The following CACNA1D variants were observed in gnomAD, a reference collection of about 807,000 sequenced individuals.
CACNA1D encodes the protein calcium voltage-gated channel subunit alpha1 D.
A neutral mutation model predicts 257.1 loss-of-function variants in CACNA1D; 55 were observed. The observed-to-expected ratio is 0.21, with a 90% CI of 0.17 to 0.27. CACNA1D has a LOEUF of 0.27. Among genes scored for constraint, CACNA1D ranks in the 10% least tolerant of loss-of-function variants. CACNA1D has a pLI of 1.00. For missense variants in CACNA1D, 1,876 were observed against 2,784.0 expected (o/e 0.67, Z 7.34); for synonymous variants, 980 against 1,014.9 (o/e 0.97, Z 0.65).
chr3:53,569,910 G>C (rs1289117793), intron 3 of CACNA1D, among the ~76,000 whole-genome samples: 1 of 152,130 alleles, frequency 6.6e-6, no homozygotes, highest in African/African-American at 2.4e-5. Flanking sequence ...TAGGGCTCTT[G>C]GGAGAAATTA....
At chr3:53,634,830 C>G (rs2093863278) in intron 3 of CACNA1D, among the ~76,000 whole-genome samples, 1 of 152,090 alleles carries the variant, frequency 6.6e-6, no homozygotes, top group African/African-American at 2.4e-5. Flanking sequence ...AGTGCCTTGC[C>G]TAGGGCCACA....
intron 40 of CACNA1D, among the ~76,000 whole-genome samples, chr3:53,787,549 CCT>C: frequency 6.6e-6 from 1 of 152,074 alleles, no homozygotes; most frequent in Non-Finnish European, 1.5e-5. Context: ...CCCCAGCCAG[CCT>C]CTGGTCCCTC....
chr3:53,656,497 TA>T (rs534696273), intron 4 of CACNA1D, among the ~76,000 whole-genome samples: 492 of 152,288 alleles, frequency 3.2e-3, no homozygotes, highest in Non-Finnish European at 5.2e-3. Context: ...AAATATTGGA[TA>T]AAATCTTTAT....
At chr3:53,502,005 A>G (rs1445030874) in intron 3 of CACNA1D, among the ~76,000 whole-genome samples, 1 of 151,356 alleles carries the variant, frequency 6.6e-6, no homozygotes, top group East Asian at 1.9e-4. Flanking sequence ...TCTCCACATA[A>G]GTTTTTGCTA....
intron 3 of CACNA1D, among the ~76,000 whole-genome samples, chr3:53,542,841 G>A (rs1285143294): frequency 6.6e-6 from 1 of 151,962 alleles, no homozygotes; most frequent in East Asian, 1.9e-4. Flanking sequence ...GATCACCTGA[G>A]GTCAGGAGTT....
At chr3:53,535,442 A>T (rs1236660619) in intron 3 of CACNA1D, among the ~76,000 whole-genome samples, 1 of 152,188 alleles carries the variant, frequency 6.6e-6, no homozygotes, top group African/African-American at 2.4e-5. Context: ...AGGTAAATAC[A>T]AATCTGTCTT....
At chr3:53,547,619 TG>T (rs1172403954) in intron 3 of CACNA1D, among the ~76,000 whole-genome samples, 1 of 152,148 alleles carries the variant, frequency 6.6e-6, no homozygotes, top group Non-Finnish European at 1.5e-5. Context: ...TGCATTTGTG[TG>T]GGCTGAAGAG....
chr3:53,734,016 G>GTATATA (rs58714566), intron 19 of CACNA1D, among the ~76,000 whole-genome samples: 51 of 131,686 alleles, frequency 3.9e-4, no homozygotes, highest in East Asian at 3.1e-3. Context: ...ATATGTGTGT[G>GTATATA]TATATATATA....
intron 8 of CACNA1D, among the ~76,000 whole-genome samples, chr3:53,684,481 A>G (rs879863491): frequency 6.6e-6 from 1 of 151,934 alleles, no homozygotes; most frequent in Non-Finnish European, 1.5e-5. Flanking sequence ...AAATTAGCTG[A>G]GAGTGGTGGC....
chr3:53,651,590 CTG>C (rs1282888335), intron 4 of CACNA1D, among the ~76,000 whole-genome samples: 1 of 151,988 alleles, frequency 6.6e-6, no homozygotes, highest in Non-Finnish European at 1.5e-5. Context: ...AAATAGTGGC[CTG>C]TGTTATTTTA....
chr3:53,753,767 A>G lies in CACNA1D; in HGVS notation c.3786+85A>G, dbSNP rs57295177. The G allele has an allele frequency of 8.4e-6, 7 of 831,576 alleles. No individual in the cohort carries two copies. In the African/African-American group the frequency reaches 1.2e-4, roughly 14 times the overall value. The allele number at this position is 831,576 out of a possible 1,614,324, so 51.5% of individuals were successfully genotyped here. A position where few individuals can be genotyped will look rare whatever the true frequency, so the allele number is the denominator to read the frequency against. On this transcript the variant is annotated intron_variant, in intron 29 of 47. Transcript: ENST00000350061. ...CTTCCTGTTAGTCTTGTGTTACTGA[A>G]TTATGCTAAAGTGTTCTGGCCGCTA...
intron 3 of CACNA1D, among the ~76,000 whole-genome samples, chr3:53,555,456 G>GTTTTTTT (rs1334737354): frequency 8.5e-6 from 1 of 117,042 alleles, no homozygotes; most frequent in African/African-American, 3.5e-5. Flanking sequence ...GTGTGTGTGT[G>GTTTTTTT]TGTGTTTTTT....
intron 26 of CACNA1D, 40 bp from the exon 27 acceptor site, chr3:53,749,228 G>C (rs1402431684): frequency 4.1e-6 from 6 of 1,466,040 alleles, no homozygotes; most frequent in Non-Finnish European, 5.7e-6. Context: ...GTGTGGGCTG[G>C]GGGGCTTGGC....
intron 2 of CACNA1D, among the ~76,000 whole-genome samples, chr3:53,500,075 G>T (rs907461479): frequency 6.6e-6 from 1 of 151,800 alleles, no homozygotes; most frequent in African/African-American, 2.4e-5. Context: ...GCTCTTCGAA[G>T]ATGAAGGTTT....
At chr3:53,505,999 G>A (rs1163762915) in intron 3 of CACNA1D, among the ~76,000 whole-genome samples, 2 of 152,156 alleles carry the variant, frequency 1.3e-5, no homozygotes, top group Non-Finnish European at 2.9e-5. Context: ...GCATGGTCAC[G>A]TAGTTCGGCA....
chr3:53,565,908 A>G (rs1279951775), intron 3 of CACNA1D, among the ~76,000 whole-genome samples: 2 of 152,342 alleles, frequency 1.3e-5, no homozygotes, highest in South Asian at 2.1e-4. Context: ...GTGATATCAG[A>G]GTAATATCAA....
At chr3:53,778,087 T>G (rs1470927148) in intron 37 of CACNA1D, among the ~76,000 whole-genome samples, 1 of 152,156 alleles carries the variant, frequency 6.6e-6, no homozygotes, top group Non-Finnish European at 1.5e-5. Context: ...AAGAAATCCC[T>G]TGAGCCAGAC....
At chr3:53,711,328 CG>C (rs1455194052) in intron 9 of CACNA1D, among the ~76,000 whole-genome samples, 2 of 152,166 alleles carry the variant, frequency 1.3e-5, no homozygotes, top group African/African-American at 4.8e-5. Context: ...AGAATGGGCT[CG>C]TGTGGGAAAG....
chr3:53,715,413 A>T (rs2094807451), intron 9 of CACNA1D, among the ~76,000 whole-genome samples: 1 of 152,164 alleles, frequency 6.6e-6, no homozygotes, highest in Non-Finnish European at 1.5e-5. Context: ...ACCAAGAATG[A>T]TGGCCAAAGC....
Sources: allele counts gnomAD v4.1 joint callset (sites outside exome capture counted in the v4.1 genomes callset), GRCh38; gene constraint gnomAD v4.1.1; transcripts MANE v1.5; gene names NCBI Gene and HGNC (gene_info 2026-07-23, HGNC 2026-07-21).